Variants in AGPAT4 observed in about 807,000 individuals in gnomAD.
AGPAT4 encodes the protein 1-acyl-sn-glycerol-3-phosphate acyltransferase delta.
In AGPAT4, 15 loss-of-function variants were observed where a neutral mutation model predicts 48.0. That is an observed-to-expected ratio of 0.31 (90% CI 0.21 to 0.48). The LOEUF (loss-of-function observed/expected upper bound fraction) is 0.48. Ranked by LOEUF, AGPAT4 falls within the 20% of genes least tolerant of loss-of-function variation. The pLI, the probability that AGPAT4 is intolerant of heterozygous loss-of-function variation, is 0.99. For synonymous variants in AGPAT4, 178 were observed against 198.7 expected (o/e 0.90, Z 0.88); for missense variants, 314 against 482.5 (o/e 0.65, Z 3.27).
rs1781335056 is a variant in AGPAT4, at chr6:161,204,768, G to A, written c.178+27268C>T. Among the ~76,000 whole-genome samples, 1 of 152,092 alleles carries A rather than the reference G, an allele frequency of 6.6e-6. No individual in the cohort carries two copies. The highest frequency in any genetic ancestry group is 1.5e-5 in the Non-Finnish European group (1 of 68,028). On this transcript the variant is annotated intron_variant, in intron 2 of 8. Transcript: ENST00000320285. This position sits in a 1 kb window ranked among gnomAD's most constrained non-coding sequence, Gnocchi z 4.4. The stretch of plus-strand genomic sequence containing the variant: ...ACAGACCACGGTGGGGCTGATCAAA[G>A]AGGCAGGAGCTTTTTCCCCAGAGTG...
At chr6:161,248,582 A>C (rs1782727282) in intron 1 of AGPAT4, among the ~76,000 whole-genome samples, 1 of 150,330 alleles carries the variant, frequency 6.7e-6, no homozygotes, top group Non-Finnish European at 1.5e-5. Context: ...AAAAAAAAAA[A>C]AAAAAAAAAA....
Position 161,226,954 on chromosome 6 carries a change from A to T in AGPAT4, c.178+5082T>A, listed in dbSNP as rs1781998008. 6.6e-6 allele frequency among the ~76,000 whole-genome samples: 1 copy of T among 152,236 alleles called. No individual in the cohort carries two copies. The highest frequency in any genetic ancestry group is 1.5e-5 in the Non-Finnish European group (1 of 68,046). On this transcript the variant is annotated intron_variant, in intron 2 of 8. Transcript: ENST00000320285. The surrounding 1 kb of genome is among the most constrained non-coding windows in gnomAD (Gnocchi z 6.3). ...AAGCAGGGAAGAAGAAGGAAGAAGG[A>T]ATAGAAGAAGGAAAGATTGTTTTGT...
Position 161,240,221 on chromosome 6 carries a change from TACACACACACACACACACACACACACAC to T in AGPAT4, c.-89-7947_-89-7920del, listed in dbSNP as rs58550351. On this transcript the variant is annotated intron_variant, in intron 1 of 8. Coordinates refer to ENST00000320285, the MANE Select transcript of AGPAT4 (RefSeq NM_020133.3). The surrounding 1 kb of genome is among the most constrained non-coding windows in gnomAD (Gnocchi z 5.5). ...CACTAACAGCAGATATCTTTGTGTA[TACACACACACACACACACACACACACAC>T]ACACACACACACACACACTTAAACA... Among the ~76,000 whole-genome samples, 8 of 144,332 alleles carry T rather than the reference TACACACACACACACACACACACACACAC, an allele frequency of 5.5e-5. No homozygotes were observed. Among genetic ancestry groups the T allele is most frequent in the African/African-American group, 1.8e-4 (7 of 38,974 alleles). 94.7% of individuals were successfully genotyped at this position (144,332 alleles called of 152,430 possible).
Position 161,235,074 on chromosome 6 carries a change from G to C in AGPAT4, c.-89-2772C>G, listed in dbSNP as rs1297886950. On this transcript the variant is annotated intron_variant, in intron 1 of 8. Transcript: ENST00000320285. This position sits in a 1 kb window ranked among gnomAD's most constrained non-coding sequence, Gnocchi z 6.2. The stretch of plus-strand genomic sequence containing the variant: ...TTTCAGCTCCACTTCTGTCCTCAAG[G>C]CCCATTTCCTAGCCTGGTGTGGGGT... Among the ~76,000 whole-genome samples the C allele has an allele frequency of 2.0e-5, 3 of 151,928 alleles. No homozygotes were observed. Among genetic ancestry groups the C allele is most frequent in the Non-Finnish European group, 2.9e-5 (2 of 68,002 alleles).
chr6:161,204,957 GACAT>G lies in AGPAT4; in HGVS notation c.178+27075_178+27078del, dbSNP rs1781341113. 6.6e-6 allele frequency among the ~76,000 whole-genome samples: 1 copy of G among 152,106 alleles called. No individual in the cohort carries two copies. The highest frequency in any genetic ancestry group is 1.9e-4 in the East Asian group (1 of 5,180). On this transcript the variant is annotated intron_variant, in intron 2 of 8. Coordinates refer to ENST00000320285, the MANE Select transcript of AGPAT4 (RefSeq NM_020133.3). This position sits in a 1 kb window ranked among gnomAD's most constrained non-coding sequence, Gnocchi z 4.4. The stretch of plus-strand genomic sequence containing the variant: ...TTACAATAAACCGGGTATGAACAAC[GACAT>G]GACGCTGTTGATGAAAAGACACTGG...
rs541111273 is a variant in AGPAT4 at position 161,182,313 on chromosome 6, C to T, written c.179-15896G>A. Among the ~76,000 whole-genome samples the T allele has an allele frequency of 7.5e-5, 11 of 147,518 alleles. No homozygotes were observed. The East Asian group carries it at 1.8e-3, about 24-fold the overall frequency. ...CCCAGCCTCTCACCCTATCCCCTCA[C>T]CCCAGCCCTGCATCCCAGCCTCTCA... On this transcript the variant is annotated intron_variant, in intron 2 of 8. Coordinates refer to ENST00000320285, the MANE Select transcript of AGPAT4 (RefSeq NM_020133.3).
chr6:161,256,140 A>G (rs2114741912), intron 1 of AGPAT4, among the ~76,000 whole-genome samples: 1 of 152,310 alleles, frequency 6.6e-6, no homozygotes, highest in East Asian at 1.9e-4. Flanking sequence ...CAGCACTTGC[A>G]GGAAGTAAAA....
At chr6:161,230,529 T>G (rs903142447) in intron 2 of AGPAT4, among the ~76,000 whole-genome samples, 3 of 152,250 alleles carry the variant, frequency 2.0e-5, no homozygotes, top group African/African-American at 7.2e-5. Flanking sequence ...CTCCTTTCCC[T>G]TGATTACACA....
In AGPAT4 at chr6:161,178,827, T is replaced by A. The variant is rs1034695277; in HGVS notation, c.179-12410A>T. The stretch of plus-strand genomic sequence containing the variant: ...AATTTTGCAGATGTTGTTTTGACTG[T>A]GCTGCTCTCTGAGGGCTCAGTGAAT... On this transcript the variant is annotated intron_variant, in intron 2 of 8. Coordinates refer to ENST00000320285, the MANE Select transcript of AGPAT4 (RefSeq NM_020133.3). The surrounding 1 kb of genome is among the most constrained non-coding windows in gnomAD (Gnocchi z 5.1). Among the ~76,000 whole-genome samples, 1 of 152,246 alleles carries A rather than the reference T, an allele frequency of 6.6e-6. No individual in the cohort carries two copies. Among genetic ancestry groups the A allele is most frequent in the Admixed American group, 6.5e-5 (1 of 15,292 alleles).
In AGPAT4 at chr6:161,135,071, G is replaced by T. The variant is rs1447739294; in HGVS notation, c.*1469C>A. On this transcript the variant is annotated 3_prime_UTR_variant, in exon 9 of 9. Coordinates refer to ENST00000320285, the MANE Select transcript of AGPAT4 (RefSeq NM_020133.3). ...CTCTAGAGCTGTCTTGTAACTCCTTGGCTTACCTAGTTTGGTTGATAAACA... is the reference window on the plus strand; with the variant it reads ...CTCTAGAGCTGTCTTGTAACTCCTTTGCTTACCTAGTTTGGTTGATAAACA... 1 of 144,450 alleles carries T rather than the reference G, an allele frequency of 6.9e-6. No individual in the cohort carries two copies. Among genetic ancestry groups the T allele is most frequent in the East Asian group, 2.0e-4 (1 of 5,008 alleles). 8.9% of individuals were successfully genotyped at this position (144,450 alleles called of 1,614,324 possible). A position where few individuals can be genotyped will look rare whatever the true frequency, so the allele number is the denominator to read the frequency against.
chr6:161,141,582 T>A lies in AGPAT4; in HGVS notation c.844-1962A>T. Among the ~76,000 whole-genome samples the A allele has an allele frequency of 6.6e-6, 1 of 150,404 alleles. No individual in the cohort carries two copies. Among genetic ancestry groups the A allele is most frequent in the Non-Finnish European group, 1.5e-5 (1 of 67,862 alleles). ...GGGGGGTGATATTTTTGTGCCTTGT[T>A]TTTTTTTAAAAAAAAAACAGCTTTC... On this transcript the variant is annotated intron_variant, in intron 7 of 8. Coordinates refer to ENST00000320285, the MANE Select transcript of AGPAT4 (RefSeq NM_020133.3). The surrounding 1 kb of genome is among the most constrained non-coding windows in gnomAD (Gnocchi z 6.7).
chr6:161,178,306 T>A lies in AGPAT4; in HGVS notation c.179-11889A>T, dbSNP rs1319432394. On this transcript the variant is annotated intron_variant, in intron 2 of 8. Transcript: ENST00000320285. This position sits in a 1 kb window ranked among gnomAD's most constrained non-coding sequence, Gnocchi z 5.1. ...CCCAATTCAAGCTTCCCAGCCACTT[T>A]GTTTACCTACTCAAGCCTCAGCAAT... 6.6e-6 allele frequency among the ~76,000 whole-genome samples: 1 copy of A among 152,218 alleles called. No homozygotes were observed. Among genetic ancestry groups the A allele is most frequent in the African/African-American group, 2.4e-5 (1 of 41,466 alleles).
Position 161,148,967 on chromosome 6 carries a change from A to G in AGPAT4, c.767+220T>C, listed in dbSNP as rs1038528181. 2.2e-4 allele frequency among the ~76,000 whole-genome samples: 33 copies of G among 152,346 alleles called. No individual in the cohort carries two copies. Among genetic ancestry groups the G allele is most frequent in the African/African-American group, 7.9e-4 (33 of 41,580 alleles). On this transcript the variant is annotated intron_variant, in intron 6 of 8. Coordinates refer to ENST00000320285, the MANE Select transcript of AGPAT4 (RefSeq NM_020133.3). The surrounding 1 kb of genome is among the most constrained non-coding windows in gnomAD (Gnocchi z 5.5). ...CCATTTGTTCAACCTAAGCTCTTTG[A>G]TACGAAAAAGCTGGTTACAGAGGAT... is the stretch of plus-strand genomic sequence containing the variant.
intron 1 of AGPAT4, among the ~76,000 whole-genome samples, chr6:161,265,459 C>T (rs546317455): frequency 1.4e-5 from 2 of 147,130 alleles, no homozygotes; most frequent in South Asian, 4.4e-4. Context: ...GGACTGGGTG[C>T]TGGATTAGTA....
Position 161,222,508 on chromosome 6 carries a change from G to T in AGPAT4, c.178+9528C>A, listed in dbSNP as rs1243529266. Among the ~76,000 whole-genome samples, 1 of 151,786 alleles carries T rather than the reference G, an allele frequency of 6.6e-6. No individual in the cohort carries two copies. The highest frequency in any genetic ancestry group is 6.6e-5 in the Admixed American group (1 of 15,254). On this transcript the variant is annotated intron_variant, in intron 2 of 8. Transcript: ENST00000320285. The surrounding 1 kb of genome is among the most constrained non-coding windows in gnomAD (Gnocchi z 5.9). ...CTATTTTTACTTAATAATATTTAGGGTATAACGTGGTTCAAGGAAATAATG... is the reference window on the plus strand; with the variant it reads ...CTATTTTTACTTAATAATATTTAGGTTATAACGTGGTTCAAGGAAATAATG...
rs1046174582 is a variant in AGPAT4 at position 161,146,415 on chromosome 6, G to C, written c.843+109C>G. On this transcript the variant is annotated intron_variant, in intron 7 of 8. Coordinates refer to ENST00000320285, the MANE Select transcript of AGPAT4 (RefSeq NM_020133.3). The surrounding 1 kb of genome is among the most constrained non-coding windows in gnomAD (Gnocchi z 7.1). ...TCAGCTCCAGACTCACTAATAACTG[G>C]CTCTGTGAGATCTCGCCCACCGGAG... The C allele has an allele frequency of 6.1e-6, 6 of 983,160 alleles. No homozygotes were observed. In the African/African-American group the frequency reaches 9.7e-5, roughly 16 times the overall value. 60.9% of individuals were successfully genotyped at this position (983,160 alleles called of 1,614,324 possible). A position where few individuals can be genotyped will look rare whatever the true frequency, so the allele number is the denominator to read the frequency against.
chr6:161,142,509 G>A lies in AGPAT4; in HGVS notation c.844-2889C>T, dbSNP rs12110475. On this transcript the variant is annotated intron_variant, in intron 7 of 8. Transcript: ENST00000320285. The surrounding 1 kb of genome is among the most constrained non-coding windows in gnomAD (Gnocchi z 6.4). ...TCAACCTACAAGCCAAGAGGAGAAC[G>A]AGATCCTATTGAGAGGCGGCAGATC... Among the ~76,000 whole-genome samples the A allele has an allele frequency of 3.5e-3, 534 of 152,266 alleles. 3 individuals carry two copies. Among genetic ancestry groups the A allele is most frequent in the African/African-American group, 0.012 (506 of 41,552 alleles).
Position 161,261,607 on chromosome 6 carries a change from A to G in AGPAT4, c.-90+12331T>C, listed in dbSNP as rs138764661. Among the ~76,000 whole-genome samples the G allele has an allele frequency of 9.9e-3, 1,505 of 152,318 alleles. 14 individuals are homozygous for G. Among genetic ancestry groups the G allele is most frequent in the South Asian group, 0.017 (80 of 4,812 alleles). On this transcript the variant is annotated intron_variant, in intron 1 of 8. Coordinates refer to ENST00000320285, the MANE Select transcript of AGPAT4 (RefSeq NM_020133.3). This position sits in a 1 kb window ranked among gnomAD's most constrained non-coding sequence, Gnocchi z 5.3. ...TAAGGCATCATCATTAACAAAGCCA[A>G]CGGAGGGATATTTTACCTTCCACAA...
In AGPAT4 at chr6:161,259,865, G is replaced by A. The variant is rs567717562; in HGVS notation, c.-90+14073C>T. ...GCACCTAGCTCCATGGTATCTATGT[G>A]CACGCTGCACCCCCAGGGCCGAGTC... On this transcript the variant is annotated intron_variant, in intron 1 of 8. Coordinates refer to ENST00000320285, the MANE Select transcript of AGPAT4 (RefSeq NM_020133.3). This position sits in a 1 kb window ranked among gnomAD's most constrained non-coding sequence, Gnocchi z 4.9. Among the ~76,000 whole-genome samples the A allele has an allele frequency of 6.6e-6, 1 of 152,276 alleles. No individual in the cohort carries two copies. The highest frequency in any genetic ancestry group is 1.5e-5 in the Non-Finnish European group (1 of 68,018).
Sources: gnomAD v4.1 joint callset for allele counts (sites outside exome capture counted in the v4.1 genomes callset) on GRCh38, gnomAD v4.1.1 for gene constraint, Gnocchi (gnomAD v3.1) non-coding constraint, MANE v1.5 for transcripts, NCBI Gene and HGNC (gene_info 2026-07-23, HGNC 2026-07-21) for gene names.